Variants in CHURC1 observed in about 807,000 individuals in gnomAD.
CHURC1 encodes churchill domain containing 1.
CHURC1 carries 12 observed loss-of-function variants against 15.4 expected under a neutral mutation model. The observed-to-expected ratio is 0.78, with a 90% CI of 0.50 to 1.27. The LOEUF (loss-of-function observed/expected upper bound fraction) is 1.27, where lower values mean the gene tolerates loss of function less well. Ranked by LOEUF, CHURC1 falls within the 50% of genes most tolerant of loss-of-function variation. The pLI is 0.00. For synonymous variants in CHURC1, 42 were observed against 47.5 expected (o/e 0.88, Z 0.48); for missense variants, 132 against 137.8 (o/e 0.96, Z 0.21).
At position 64,932,496 on chromosome 14, in the gene CHURC1, G is replaced by C. The variant is rs1885135494; in HGVS notation, c.*266G>C. 8.7e-7 allele frequency: 1 copy of C among 1,149,160 alleles called. No homozygotes were observed. The highest frequency in any genetic ancestry group is 1.1e-6 in the Non-Finnish European group (1 of 931,396). The allele number at this position is 1,149,160 out of a possible 1,614,324, so 71.2% of individuals were successfully genotyped here. A position where few individuals can be genotyped will look rare whatever the true frequency, so the allele number is the denominator to read the frequency against. Reference sequence around the variant, plus strand: ...TATGTGGTCAGAAAACAACTAGAATGGGAGCACACCTGGTGCCCAGATTTT... The same window carrying C: ...TATGTGGTCAGAAAACAACTAGAATCGGAGCACACCTGGTGCCCAGATTTT... On this transcript the variant is annotated 3_prime_UTR_variant, in exon 4 of 4. Transcript: ENST00000549115.
At chr14:64,927,709 TCC>T (rs780528509) in intron 3 of CHURC1, among the ~76,000 whole-genome samples, 13 of 44,764 alleles carry the variant, frequency 2.9e-4, no homozygotes, top group Admixed American at 8.6e-4. Flanking sequence ...AGTCTACTTC[TCC>T]CCCCACCCCC....
At chr14:64,931,998 C>A in intron 3 of CHURC1, 140 bp from the exon 4 acceptor site, 2 of 1,047,008 alleles carry the variant, frequency 1.9e-6, no homozygotes, top group Non-Finnish European at 2.7e-6. Context: ...TAAGACATTG[C>A]TGATACATGT....
intron 1 of CHURC1, among the ~76,000 whole-genome samples, chr14:64,920,290 C>T (rs1456619822): frequency 6.6e-6 from 1 of 152,172 alleles, no homozygotes; most frequent in Non-Finnish European, 1.5e-5. Context: ...TCTAAGGGTA[C>T]TAAACATGTC....
At chr14:64,917,815 A>G (rs1883995062) in intron 1 of CHURC1, among the ~76,000 whole-genome samples, 1 of 152,250 alleles carries the variant, frequency 6.6e-6, no homozygotes, top group African/African-American at 2.4e-5. Flanking sequence ...AGGATTTTCA[A>G]TCTAGGCAAC....
chr14:64,925,987 T>C, intron 2 of CHURC1, 23 bp from the exon 3 acceptor site: 2 of 1,565,644 alleles, frequency 1.3e-6, no homozygotes, highest in African/African-American at 1.4e-5. Flanking sequence ...CTTAATTACG[T>C]AAGTCTCTCT....
intron 1 of CHURC1, among the ~76,000 whole-genome samples, chr14:64,916,273 A>G (rs964819754): frequency 6.6e-6 from 1 of 152,242 alleles, no homozygotes; most frequent in African/African-American, 2.4e-5. Context: ...ATTACTGTTA[A>G]GTCGAGATAG....
At chr14:64,916,419 G>A (rs1253554091) in intron 1 of CHURC1, among the ~76,000 whole-genome samples, 2 of 151,984 alleles carry the variant, frequency 1.3e-5, no homozygotes, top group Non-Finnish European at 2.9e-5. Context: ...TTTCTTGTTC[G>A]CTACATTTAT....
Position 64,914,550 on chromosome 14 carries a change from C to T in CHURC1, c.39+16C>T. ...TCCCAACCGGGTGAGCGACTGGGCG[C>T]TCCCTTGGCCCGCGGGCGGCCCCCG... is the stretch of plus-strand genomic sequence containing the variant. On this transcript the variant is annotated intron_variant, in intron 1 of 3. Transcript: ENST00000549115. 6.2e-7 allele frequency: 1 copy of T among 1,614,140 alleles called. No individual in the cohort carries two copies. The highest frequency in any genetic ancestry group is 8.5e-7 in the Non-Finnish European group (1 of 1,179,964).
intron 1 of CHURC1, among the ~76,000 whole-genome samples, chr14:64,921,918 A>G (rs1380974658): frequency 6.6e-6 from 1 of 152,222 alleles, no homozygotes; most frequent in Non-Finnish European, 1.5e-5. Flanking sequence ...TCCTACAGGG[A>G]ATACTATTTG....
At chr14:64,916,772 G>T (rs1883911773) in intron 1 of CHURC1, among the ~76,000 whole-genome samples, 1 of 152,030 alleles carries the variant, frequency 6.6e-6, no homozygotes, top group Non-Finnish European at 1.5e-5. Flanking sequence ...TAGAGACAGG[G>T]TTTCGCCTTG....
chr14:64,930,934 T>G, intron 3 of CHURC1: 1 of 443,024 alleles, frequency 2.3e-6, no homozygotes, highest in Non-Finnish European at 4.5e-6. Flanking sequence ...ACAACTAAGC[T>G]CCCCTCCTGA....
chr14:64,929,455 A>G (rs1884950273), intron 3 of CHURC1, among the ~76,000 whole-genome samples: 1 of 152,134 alleles, frequency 6.6e-6, no homozygotes, highest in Admixed American at 6.5e-5. Context: ...CCTAATGGCC[A>G]CAAGAACCCT....
Position 64,933,357 on chromosome 14 carries a change from A to G in CHURC1, c.*1127A>G, listed in dbSNP as rs1231123658. ...CTGAATACAGTGTGGACTTCAGTTA[A>G]TATAAATGAGAAAATGGTTTCATTG... On this transcript the variant is annotated 3_prime_UTR_variant, in exon 4 of 4. Transcript: ENST00000549115. 6.1e-6 allele frequency: 6 copies of G among 984,902 alleles called. No individual in the cohort carries two copies. In the African/African-American group the frequency reaches 7.0e-5, roughly 11 times the overall value. The allele number at this position is 984,902 out of a possible 1,614,324, so 61.0% of individuals were successfully genotyped here.
At position 64,929,949 on chromosome 14, in the gene CHURC1, A is replaced by C. The variant is rs940525646; in HGVS notation, c.247-2189A>C. Among the ~76,000 whole-genome samples, 479 of 140,546 alleles carry C rather than the reference A, an allele frequency of 3.4e-3. 1 individual carries two copies. Among genetic ancestry groups the C allele is most frequent in the East Asian group, 0.015 (76 of 5,100 alleles). 92.2% of individuals were successfully genotyped at this position (140,546 alleles called of 152,430 possible). A position where few individuals can be genotyped will look rare whatever the true frequency, so the allele number is the denominator to read the frequency against. On this transcript the variant is annotated intron_variant, in intron 3 of 3. Transcript: ENST00000549115. ...ACCCTCCTAGCAAAAGCCCCCCCCC[A>C]CACACACACCAAAATTGTGTGTTTA...
chr14:64,926,661 T>C (rs1232027685), intron 3 of CHURC1, among the ~76,000 whole-genome samples: 2 of 152,214 alleles, frequency 1.3e-5, no homozygotes, highest in Non-Finnish European at 2.9e-5. Context: ...CAAGTTGACA[T>C]GTAGAGTTGA....
chr14:64,914,769 A>G (rs1269639651), intron 1 of CHURC1, among the ~76,000 whole-genome samples: 1 of 152,230 alleles, frequency 6.6e-6, no homozygotes. Flanking sequence ...TCCAAGGAGC[A>G]ACAGAGGAAC....
chr14:64,919,059 T>G (rs1405868520), intron 1 of CHURC1, among the ~76,000 whole-genome samples: 5 of 152,220 alleles, frequency 3.3e-5, no homozygotes, highest in Non-Finnish European at 7.3e-5. Context: ...CAAGTTGGAA[T>G]GAACCATACT....
At chr14:64,914,628 A>G in intron 1 of CHURC1, 94 bp downstream of exon 1, 1 of 1,582,712 alleles carries the variant, frequency 6.3e-7, no homozygotes, top group Non-Finnish European at 8.6e-7. Context: ...CGTGGGGCGG[A>G]CTCGGCCGCA....
At position 64,925,830 on chromosome 14, in the gene CHURC1, T is replaced by C. The variant is rs545105593; in HGVS notation, c.176-180T>C. Among the ~76,000 whole-genome samples the C allele has an allele frequency of 3.3e-5, 5 of 151,158 alleles. No individual in the cohort carries two copies. The South Asian group carries it at 8.4e-4, about 25-fold the overall frequency. ...CAGACTCAGAATTATGTAACGTTGT[T>C]ATGTGGCAGATTCTGAATCTTTTAA... On this transcript the variant is annotated intron_variant, in intron 2 of 3. Transcript: ENST00000549115.
Sources: allele counts gnomAD v4.1 joint callset (sites outside exome capture counted in the v4.1 genomes callset), GRCh38; gene constraint gnomAD v4.1.1; transcripts MANE v1.5; gene names NCBI Gene and HGNC (gene_info 2026-07-23, HGNC 2026-07-21).